The following RIMS2 variants were observed in gnomAD, a reference collection of about 807,000 sequenced individuals.
The protein encoded by RIMS2 is regulating synaptic membrane exocytosis protein 2.
Under a neutral mutation model 174.4 loss-of-function variants are expected in RIMS2, and 59 were observed. The ratio of observed to expected loss-of-function variants is 0.34; its 90% CI spans 0.27 to 0.42. RIMS2 has a LOEUF of 0.42. RIMS2 is among the 10% of genes least tolerant of loss of function. The pLI is 1.00. For synonymous variants in RIMS2, 606 were observed against 572.5 expected, an observed-to-expected ratio of 1.06 and a Z score of -0.84; for missense variants, 1,620 against 1,666.3, an observed-to-expected ratio of 0.97 and a Z score of 0.48.
chr8:104,071,009 C>A (rs2097186594), intron 19 of RIMS2, among the ~76,000 whole-genome samples: 2 of 151,960 alleles, frequency 1.3e-5, no homozygotes, highest in South Asian at 4.2e-4. Flanking sequence ...TCTTAACAAG[C>A]AGCAAAGGCA....
intron 1 of RIMS2, among the ~76,000 whole-genome samples, chr8:103,634,241 A>C (rs939373824): frequency 1.3e-5 from 2 of 152,218 alleles, no homozygotes; most frequent in Non-Finnish European, 2.9e-5. Context: ...TTATTTTCAA[A>C]GAACTTCTTG....
At chr8:103,910,483 C>G (rs183766898) in intron 5 of RIMS2, 9 of 1,597,398 alleles carry the variant, frequency 5.6e-6, no homozygotes, top group Non-Finnish European at 7.6e-6. Context: ...GGGGTAGATA[C>G]GTGTAGTAGC....
At chr8:103,800,781 A>G (rs1405929272) in intron 3 of RIMS2, among the ~76,000 whole-genome samples, 1 of 152,158 alleles carries the variant, frequency 6.6e-6, no homozygotes. Context: ...GGAGAGTTGT[A>G]TGTAGTTTCC....
chr8:103,549,208 G>A (rs528932084), intron 1 of RIMS2, among the ~76,000 whole-genome samples: 41 of 152,096 alleles, frequency 2.7e-4, no homozygotes, highest in African/African-American at 9.4e-4. Context: ...AAATATTAAG[G>A]GCAGCCAGAG....
At chr8:103,894,452 AT>A (rs1258144856) in intron 4 of RIMS2, among the ~76,000 whole-genome samples, 2 of 151,672 alleles carry the variant, frequency 1.3e-5, no homozygotes, top group Non-Finnish European at 2.9e-5. Context: ...GTATAATAAA[AT>A]GCCAAGCTTT....
At chr8:103,786,354 T>G (rs911511885) in intron 3 of RIMS2, among the ~76,000 whole-genome samples, 2 of 152,092 alleles carry the variant, frequency 1.3e-5, no homozygotes, top group Admixed American at 1.3e-4. Context: ...TTCTTTTAAT[T>G]GTGATGTTAG....
chr8:103,612,965 T>G (rs1022016140), intron 1 of RIMS2, among the ~76,000 whole-genome samples: 1 of 152,186 alleles, frequency 6.6e-6, no homozygotes, highest in South Asian at 2.1e-4. Flanking sequence ...ATGCAAGCAC[T>G]CTTGTGGCTA....
At chr8:103,948,797 A>G (rs979859314) in intron 14 of RIMS2, among the ~76,000 whole-genome samples, 41 of 152,108 alleles carry the variant, frequency 2.7e-4, no homozygotes, top group Admixed American at 1.3e-4. Context: ...CTGTATACTT[A>G]AAACAAATAT....
chr8:104,190,562 C>T (rs2098992307), intron 19 of RIMS2, among the ~76,000 whole-genome samples: 1 of 152,018 alleles, frequency 6.6e-6, no homozygotes, highest in Non-Finnish European at 1.5e-5. Context: ...TGATGCAAGT[C>T]TCCAAATATT....
chr8:103,925,691 T>C (rs2078640599), intron 10 of RIMS2, among the ~76,000 whole-genome samples: 1 of 151,510 alleles, frequency 6.6e-6, no homozygotes, highest in African/African-American at 2.4e-5. Flanking sequence ...CACATAGTAG[T>C]TTGCCATCCC....
At chr8:104,109,158 G>A (rs111662332) in intron 19 of RIMS2, among the ~76,000 whole-genome samples, 2,314 of 151,814 alleles carry the variant, frequency 0.015, 72 homozygotes, top group African/African-American at 0.053. Flanking sequence ...TTAGCCGGGC[G>A]TGGTGGTGAG....
At chr8:103,587,463 AGAAAG>A (rs1263050453) in intron 1 of RIMS2, among the ~76,000 whole-genome samples, 1,085 of 102,954 alleles carry the variant, frequency 0.011, 26 homozygotes, top group African/African-American at 0.038. Context: ...AAAGAAAGAA[AGAAAG>A]AAACTATGCA....
chr8:103,739,798 G>T (rs1007890851), intron 2 of RIMS2, among the ~76,000 whole-genome samples: 1 of 152,006 alleles, frequency 6.6e-6, no homozygotes, highest in Admixed American at 6.6e-5. Context: ...TCCTTTTTCT[G>T]CTTCTCAGAG....
chr8:103,563,790 G>C (rs182765798), intron 1 of RIMS2, among the ~76,000 whole-genome samples: 318 of 152,238 alleles, frequency 2.1e-3, no homozygotes, highest in Non-Finnish European at 2.2e-3. Context: ...ACAGTTCCAC[G>C]TGGCTGGGAA....
intron 21 of RIMS2, 37 bp from the exon 28 acceptor site, chr8:104,249,450 A>G (rs1348610911): frequency 1.8e-6 from 2 of 1,114,382 alleles, no homozygotes; most frequent in Admixed American, 1.7e-5. Flanking sequence ...GTGCATTTGT[A>G]TATTAAAGCA....
At chr8:103,789,211 A>T (rs2098473343) in intron 3 of RIMS2, among the ~76,000 whole-genome samples, 1 of 151,872 alleles carries the variant, frequency 6.6e-6, no homozygotes, top group Non-Finnish European at 1.5e-5. Context: ...CTCAGATGGA[A>T]ATGCAGAAAT....
intron 2 of RIMS2, among the ~76,000 whole-genome samples, chr8:103,727,107 A>G (rs2097536068): frequency 6.6e-6 from 1 of 151,972 alleles, no homozygotes; most frequent in African/African-American, 2.4e-5. Flanking sequence ...TTATTTTTAT[A>G]TAGAAAGGAT....
At chr8:103,983,949 G>A (rs1019355581) in intron 16 of RIMS2, among the ~76,000 whole-genome samples, 2 of 152,058 alleles carry the variant, frequency 1.3e-5, no homozygotes, top group Non-Finnish European at 2.9e-5. Flanking sequence ...CAAGGCGGGC[G>A]GATCACGAGG....
chr8:103,869,615 G>A (rs542333854), intron 3 of RIMS2, among the ~76,000 whole-genome samples: 17 of 152,162 alleles, frequency 1.1e-4, no homozygotes, highest in South Asian at 4.1e-4. Context: ...GAGCCACCAT[G>A]CCCGATGAGG....
Sources: allele counts gnomAD v4.1 joint callset (sites outside exome capture counted in the v4.1 genomes callset), GRCh38; gene constraint gnomAD v4.1.1; transcripts MANE v1.5; gene names NCBI Gene and HGNC (gene_info 2026-07-23, HGNC 2026-07-21).